NUP205: variants seen among roughly 807,000 people sequenced by gnomAD.
NUP205 encodes nuclear pore complex protein Nup205.
NUP205 carries 76 observed loss-of-function variants against 253.8 expected under a neutral mutation model. The ratio of observed to expected loss-of-function variants is 0.30; its 90% CI spans 0.25 to 0.36. The LOEUF (loss-of-function observed/expected upper bound fraction) is 0.36, where lower values mean the gene tolerates loss of function less well. Ranked by LOEUF, NUP205 falls within the 10% of genes least tolerant of loss-of-function variation. The pLI, the probability that NUP205 is intolerant of heterozygous loss-of-function variation, is 1.00. For missense variants in NUP205, 2,162 were observed against 2,425.5 expected, an observed-to-expected ratio of 0.89 and a Z score of 2.28; for synonymous variants, 832 against 850.1, an observed-to-expected ratio of 0.98 and a Z score of 0.37.
At chr7:135,571,421 A>C (rs1030197727) in intron 2 of NUP205, among the ~76,000 whole-genome samples, 174 bp downstream of exon 2, 1 of 151,650 alleles carries the variant, frequency 6.6e-6, no homozygotes. Flanking sequence ...TAAAAAAAAA[A>C]AAAAAGACAG....
intron 11 of NUP205, among the ~76,000 whole-genome samples, 161 bp downstream of exon 11, chr7:135,591,761 A>G (rs1375160444): frequency 1.3e-5 from 2 of 152,242 alleles, no homozygotes; most frequent in African/African-American, 4.8e-5. Flanking sequence ...AGCTTTATGC[A>G]TAGTGATGCT....
chr7:135,626,034 C>G (rs950922940), intron 32 of NUP205, among the ~76,000 whole-genome samples: 1 of 152,196 alleles, frequency 6.6e-6, no homozygotes, highest in Non-Finnish European at 1.5e-5. Flanking sequence ...ATGCAAGCTA[C>G]TGTCTGTGGG....
At chr7:135,584,795 T>A (rs776051964) in intron 7 of NUP205, 37 bp from the exon 8 acceptor site, 1 of 1,592,102 alleles carries the variant, frequency 6.3e-7, no homozygotes, top group Non-Finnish European at 8.6e-7. Flanking sequence ...GTTAATGACT[T>A]TTCCTCCATG....
intron 41 of NUP205, 116 bp from the exon 42 acceptor site, chr7:135,646,042 A>G (rs978536555): frequency 2.8e-5 from 20 of 711,054 alleles, no homozygotes; most frequent in Admixed American, 1.2e-4. Context: ...TGAGTTCCCA[A>G]TCTTGAGCCG....
Position 135,644,891 on chromosome 7 carries a change from C to T in NUP205, c.5560-4C>T. 1.2e-6 allele frequency: 2 copies of T among 1,612,970 alleles called. No individual in the cohort carries two copies. The highest frequency in any genetic ancestry group is 1.7e-6 in the Non-Finnish European group (2 of 1,179,658). On this transcript the variant is annotated splice_polypyrimidine_tract_variant and splice_region_variant and intron_variant, in intron 39 of 42. Transcript: ENST00000285968. Reference sequence around the variant, plus strand: ...CATTCTAATACCACATTTGTTTCTTCTAGTTGTGTCAGTCTGTGATGCCTG... The same window carrying T: ...CATTCTAATACCACATTTGTTTCTTTTAGTTGTGTCAGTCTGTGATGCCTG...
At chr7:135,574,722 G>A (rs532219919) in intron 3 of NUP205, among the ~76,000 whole-genome samples, 7 of 152,292 alleles carry the variant, frequency 4.6e-5, no homozygotes, top group African/African-American at 1.4e-4. Flanking sequence ...AGGGCTTTAA[G>A]CAGAGACATT....
chr7:135,614,889 A>G (rs1449541420), intron 23 of NUP205, among the ~76,000 whole-genome samples: 1 of 152,132 alleles, frequency 6.6e-6, no homozygotes, highest in Non-Finnish European at 1.5e-5. Flanking sequence ...TGTCATCTTT[A>G]TGTTTTAGGA....
chr7:135,602,201 A>G (rs1793981163), intron 17 of NUP205, among the ~76,000 whole-genome samples: 1 of 152,240 alleles, frequency 6.6e-6, no homozygotes, highest in African/African-American at 2.4e-5. Context: ...CTGTATAGTC[A>G]GAATATACAG....
intron 2 of NUP205, among the ~76,000 whole-genome samples, chr7:135,571,733 G>A (rs1467865430): frequency 6.6e-6 from 1 of 151,944 alleles, no homozygotes. Context: ...TACACTCTTA[G>A]TTATTTTAAA....
rs1290973505 is a variant in NUP205, at chr7:135,634,454, T to C, written c.5060-1127T>C. On this transcript the variant is annotated intron_variant, in intron 35 of 42. Transcript: ENST00000285968. ...AGGAAAAAAAGTCTTAGTTTCATGA[T>C]AGCGTTAGGTGCAAAATCAAGGTTT... Among the ~76,000 whole-genome samples the C allele has an allele frequency of 2.6e-5, 4 of 152,266 alleles. No homozygotes were observed. In the East Asian group the frequency reaches 7.7e-4, roughly 29 times the overall value.
intron 1 of NUP205, among the ~76,000 whole-genome samples, chr7:135,558,444 AT>A (rs1805493415): frequency 6.6e-6 from 1 of 152,198 alleles, no homozygotes; most frequent in African/African-American, 2.4e-5. Flanking sequence ...GAAGTCGGCC[AT>A]CTGAAAGGTG....
At chr7:135,577,632 T>TA (rs1806186760) in intron 5 of NUP205, among the ~76,000 whole-genome samples, 164 bp from the exon 6 acceptor site, 1 of 152,214 alleles carries the variant, frequency 6.6e-6, no homozygotes, top group African/African-American at 2.4e-5. Context: ...GGATAAGGAA[T>TA]AAACAATAGG....
intron 19 of NUP205, among the ~76,000 whole-genome samples, chr7:135,604,846 A>G (rs1307788369): frequency 3.3e-5 from 5 of 152,196 alleles, no homozygotes; most frequent in African/African-American, 4.8e-5. Flanking sequence ...TAAGTTGTCT[A>G]CTTCACTGGT....
At chr7:135,625,114 G>A (rs1794556762) in intron 31 of NUP205, 50 bp from the exon 32 acceptor site, 1 of 1,406,096 alleles carries the variant, frequency 7.1e-7, no homozygotes, top group Non-Finnish European at 9.8e-7. Flanking sequence ...TACTGTTGTT[G>A]ATTTTGGTAG....
Position 135,627,991 on chromosome 7 carries a change from C to A in NUP205, c.4812C>A (p.Asp1604Glu). ...AAATAAGCATGTTTGGCATGAGAGA[C>A]CCTCCAATGTTCATCCCTACCCCAG... ...TDPQSMFGMR[D>E]PPMFIPTPVD... Residue 1604 changes from aspartate (D) to glutamate (E), a missense_variant, in exon 34 of 43, where the codon GAC (aspartate) becomes GAA (glutamate). Asp to Glu is a conservative substitution (Grantham distance 45). This residue lies in a region of NUP205 where 1,144 missense variants were observed against 1,280.9 expected (regional missense o/e 0.89). Coordinates refer to ENST00000285968, the MANE Select transcript of NUP205 (RefSeq NM_015135.3). 6.2e-7 allele frequency: 1 copy of A among 1,612,082 alleles called. No homozygotes were observed. The highest frequency in any genetic ancestry group is 1.1e-5 in the South Asian group (1 of 90,874).
chr7:135,617,739 G>A (rs1200538806), intron 27 of NUP205, 57 bp downstream of exon 27: 1 of 1,110,934 alleles, frequency 9.0e-7, no homozygotes, highest in African/African-American at 1.5e-5. Flanking sequence ...GGTTGCTGGT[G>A]AAAAGACTAA....
chr7:135,603,112 C>A, intron 18 of NUP205, 118 bp downstream of exon 18: 25 of 331,230 alleles, frequency 7.5e-5, no homozygotes, highest in Non-Finnish European at 1.2e-4. Flanking sequence ...CCTCATTTTA[C>A]TTTTTTTTTT....
chr7:135,617,348 C>A, intron 26 of NUP205, 101 bp downstream of exon 26: 1 of 1,185,722 alleles, frequency 8.4e-7, no homozygotes, highest in Non-Finnish European at 1.2e-6. Context: ...CTGATAGAGA[C>A]ATTGGTTTAG....
intron 36 of NUP205, among the ~76,000 whole-genome samples, chr7:135,636,904 G>A (rs767978275): frequency 2.6e-5 from 4 of 152,142 alleles, no homozygotes; most frequent in Admixed American, 6.5e-5. Flanking sequence ...TACCTGGGGG[G>A]CTGAGGCACA....
Sources: gnomAD v4.1 joint callset for allele counts (sites outside exome capture counted in the v4.1 genomes callset) on GRCh38, gnomAD v4.1.1 for gene constraint, gnomAD v4.1.1 regional missense constraint, MANE v1.5 for transcripts, NCBI Gene and HGNC (gene_info 2026-07-23, HGNC 2026-07-21) for gene names.